SPRY3: variants seen among roughly 807,000 people sequenced by gnomAD.
The protein encoded by SPRY3 is sprouty RTK signaling antagonist 3, also known as protein sprouty homolog 3.
SPRY3 carries 15 observed loss-of-function variants against 20.2 expected under a neutral mutation model. The ratio of observed to expected loss-of-function variants is 0.74; its 90% CI spans 0.50 to 1.14. The LOEUF (loss-of-function observed/expected upper bound fraction) is 1.14. Ranked by LOEUF, SPRY3 falls within the 50% of genes most tolerant of loss-of-function variation. The pLI is 0.00. For synonymous variants in SPRY3, 143 were observed against 136.5 expected, an observed-to-expected ratio of 1.05 and a Z score of -0.33; for missense variants, 364 against 363.9, an observed-to-expected ratio of 1.00 and a Z score of 0.00.
chrX:155,776,556 A>G (rs772228699), exon 4 of SPRY3: 2 of 167,254 alleles, frequency 1.2e-5, no homozygotes, highest in East Asian at 1.9e-4. Context: ...CACAAGAATT[A>G]TACAGTTTCC....
intron 2 of SPRY3, among the ~76,000 whole-genome samples, chrX:155,714,069 T>C (rs2091004982): frequency 1.3e-5 from 2 of 152,186 alleles, no homozygotes; most frequent in South Asian, 4.1e-4. Flanking sequence ...ATCTTTGTGT[T>C]AAATTTATCT....
At chrX:155,771,022 A>C (rs2091377361) in intron 3 of SPRY3, among the ~76,000 whole-genome samples, 1 of 152,134 alleles carries the variant, frequency 6.6e-6, no homozygotes, top group Admixed American at 6.5e-5. Context: ...CATTTGAATA[A>C]AAGATTCTAC....
intron 2 of SPRY3, among the ~76,000 whole-genome samples, chrX:155,767,181 C>T (rs1477279475): frequency 2.0e-5 from 3 of 151,970 alleles, no homozygotes; most frequent in African/African-American, 7.3e-5. Context: ...CGCCACTTCG[C>T]CAAGCATTAA....
chrX:155,684,308 G>A (rs995668636), intron 2 of SPRY3, among the ~76,000 whole-genome samples: 5 of 111,249 alleles, frequency 4.5e-5, no homozygotes, highest in African/African-American at 1.6e-4. Context: ...AATCAGAGAA[G>A]GCCAAGGAGC....
intron 3 of SPRY3, among the ~76,000 whole-genome samples, chrX:155,771,502 G>A (rs767823627): frequency 1.3e-5 from 2 of 152,236 alleles, no homozygotes; most frequent in African/African-American, 4.8e-5. Flanking sequence ...AGTCTAAACT[G>A]CATTCAGCAT....
At chrX:155,649,177 T>A (rs1175889910) in intron 1 of SPRY3, among the ~76,000 whole-genome samples, 1 of 111,686 alleles carries the variant, frequency 9.0e-6, no homozygotes, top group Non-Finnish European at 1.9e-5. Flanking sequence ...CACAGCCGAA[T>A]TCTACCAGAG....
At chrX:155,639,758 T>A (rs2124535712) in intron 1 of SPRY3, among the ~76,000 whole-genome samples, 1 of 112,041 alleles carries the variant, frequency 8.9e-6, no homozygotes, top group Admixed American at 9.5e-5. Flanking sequence ...CACATGATAG[T>A]TTTATTTTTA....
At chrX:155,766,256 T>A (rs778810301) in intron 2 of SPRY3, among the ~76,000 whole-genome samples, 71 of 152,276 alleles carry the variant, frequency 4.7e-4, no homozygotes, top group Admixed American at 2.2e-3. Context: ...CGTACTTTTT[T>A]AAATCTCATT....
chrX:155,622,115 C>T (rs1272171148), intron 1 of SPRY3, among the ~76,000 whole-genome samples: 1 of 112,056 alleles, frequency 8.9e-6, no homozygotes, highest in Non-Finnish European at 1.9e-5. Context: ...GATGGGCATT[C>T]AGAAAAACCC....
chrX:155,641,688 CT>C, intron 1 of SPRY3, among the ~76,000 whole-genome samples: 1 of 115,150 alleles, frequency 8.7e-6, no homozygotes, highest in Non-Finnish European at 1.9e-5. Flanking sequence ...GGAATTGTAA[CT>C]TAAGGTTTAT....
chrX:155,710,033 T>G (rs774674050), intron 2 of SPRY3, among the ~76,000 whole-genome samples: 2 of 151,968 alleles, frequency 1.3e-5, no homozygotes, highest in Non-Finnish European at 2.9e-5. Context: ...TATATTCTTA[T>G]GCGAGTACCA....
At chrX:155,678,348 C>T (rs992494097) in intron 2 of SPRY3, among the ~76,000 whole-genome samples, 9 of 111,935 alleles carry the variant, frequency 8.0e-5, no homozygotes, top group South Asian at 3.7e-4. Flanking sequence ...AAGTCTTTAA[C>T]GATTGCAGTA....
chrX:155,624,332 A>G (rs1218462247), intron 1 of SPRY3, among the ~76,000 whole-genome samples: 1 of 112,103 alleles, frequency 8.9e-6, no homozygotes, highest in Non-Finnish European at 1.9e-5. Context: ...GAGCATATCT[A>G]CAAATCTTTT....
chrX:155,769,862 G>T (rs1361388852), intron 3 of SPRY3, among the ~76,000 whole-genome samples: 1 of 152,192 alleles, frequency 6.6e-6, no homozygotes, highest in Non-Finnish European at 1.5e-5. Context: ...GTGGCAGAGA[G>T]GTTAGTAATG....
At chrX:155,757,068 C>A (rs954334303) in intron 2 of SPRY3, among the ~76,000 whole-genome samples, 1 of 152,102 alleles carries the variant, frequency 6.6e-6, no homozygotes, top group African/African-American at 2.4e-5. Flanking sequence ...AATCACAAGT[C>A]ATATTCTGTC....
At chrX:155,737,116 A>G (rs1202760526) in intron 2 of SPRY3, among the ~76,000 whole-genome samples, 1 of 152,234 alleles carries the variant, frequency 6.6e-6, no homozygotes, top group East Asian at 1.9e-4. Context: ...CACTTTTTCC[A>G]TTACAGCCCT....
intron 2 of SPRY3, among the ~76,000 whole-genome samples, chrX:155,721,602 G>A (rs2091058531): frequency 6.6e-6 from 1 of 151,962 alleles, no homozygotes. Context: ...TAACCTGGCA[G>A]CAGACTTTTC....
At chrX:155,709,147 CTT>C (rs2090970365) in intron 2 of SPRY3, among the ~76,000 whole-genome samples, 2 of 151,558 alleles carry the variant, frequency 1.3e-5, no homozygotes, top group African/African-American at 4.8e-5. Context: ...GCAGATGTCT[CTT>C]TGATATACTG....
intron 2 of SPRY3, among the ~76,000 whole-genome samples, chrX:155,744,849 G>A (rs753350665): frequency 6.6e-6 from 1 of 152,118 alleles, no homozygotes; most frequent in East Asian, 1.9e-4. Context: ...GTAATGCTTA[G>A]ATTTTTCATG....
Sources: gnomAD v4.1 joint callset for allele counts (sites outside exome capture counted in the v4.1 genomes callset) on GRCh38, gnomAD v4.1.1 for gene constraint, MANE v1.5 for transcripts, NCBI Gene and HGNC (gene_info 2026-07-23, HGNC 2026-07-21) for gene names.